CHSY3: variants seen among roughly 807,000 people sequenced by gnomAD.
CHSY3 encodes the protein chondroitin sulfate synthase 3, also known as N-acetylgalactosaminyl-proteoglycan 3-beta-glucuronosyltransferase 3.
In CHSY3, 35 loss-of-function variants were observed where a neutral mutation model predicts 67.2. That is an observed-to-expected ratio of 0.52 (90% confidence interval 0.40 to 0.69). The LOEUF is 0.69. Among genes scored for constraint, CHSY3 ranks in the 30% least tolerant of loss-of-function variants. The probability of loss-of-function intolerance (pLI) is 0.00; values close to 1 mark genes in which losing one functional copy is unlikely to be tolerated. For missense variants in CHSY3, 1,069 were observed against 1,138.5 expected (o/e 0.94, Z 0.88); for synonymous variants, 474 against 434.7 (o/e 1.09, Z -1.12).
At chr5:130,072,102 C>T (rs992535176) in intron 2 of CHSY3, among the ~76,000 whole-genome samples, 1 of 151,730 alleles carries the variant, frequency 6.6e-6, no homozygotes, top group Non-Finnish European at 1.5e-5. Flanking sequence ...TATATTAACC[C>T]CTTATCAGAC....
At chr5:129,955,699 C>T (rs946818494) in intron 2 of CHSY3, among the ~76,000 whole-genome samples, 3 of 152,126 alleles carry the variant, frequency 2.0e-5, no homozygotes, top group Non-Finnish European at 4.4e-5. Flanking sequence ...CCACTCTTCA[C>T]TCTCCAGGAG....
intron 2 of CHSY3, among the ~76,000 whole-genome samples, chr5:130,151,477 G>C (rs143556917): frequency 1.3e-5 from 2 of 152,176 alleles, no homozygotes; most frequent in Non-Finnish European, 2.9e-5. Context: ...CTGTGTGCCA[G>C]GTGCTAATCT....
In CHSY3 at chr5:130,104,716, G is replaced by A. The variant is rs533986629; in HGVS notation, c.1087-79513G>A. Among the ~76,000 whole-genome samples the A allele has an allele frequency of 2.0e-5, 3 of 149,866 alleles. No individual in the cohort carries two copies. In the East Asian group the frequency reaches 5.8e-4, roughly 29 times the overall value. On this transcript the variant is annotated intron_variant, in intron 2 of 2. Transcript: ENST00000305031. ...CTTGTTAATGTTTCGACTTGTTAAT[G>A]TTTTTTGTTAATGAATATGAATTAA...
chr5:129,965,775 T>A (rs1418620394), intron 2 of CHSY3, among the ~76,000 whole-genome samples: 2 of 151,964 alleles, frequency 1.3e-5, no homozygotes, highest in Non-Finnish European at 2.9e-5. Context: ...ATTGTAGAGA[T>A]GTCTCATTTA....
At chr5:130,016,399 G>GTATTT (rs912162664) in intron 2 of CHSY3, among the ~76,000 whole-genome samples, 36 of 152,152 alleles carry the variant, frequency 2.4e-4, no homozygotes, top group African/African-American at 8.4e-4. Context: ...ATTAGTAGTA[G>GTATTT]TATTTTATTT....
intron 2 of CHSY3, among the ~76,000 whole-genome samples, chr5:130,095,365 G>A (rs1026902439): frequency 6.6e-6 from 1 of 152,138 alleles, no homozygotes; most frequent in Non-Finnish European, 1.5e-5. Context: ...TGCATCTAGA[G>A]CATCTTGCTA....
intron 2 of CHSY3, among the ~76,000 whole-genome samples, chr5:130,004,149 A>C (rs1763808797): frequency 6.6e-6 from 1 of 152,178 alleles, no homozygotes; most frequent in Non-Finnish European, 1.5e-5. Context: ...ATTTATTCAG[A>C]CTATAACTCT....
At chr5:130,037,379 C>T (rs1177772926) in intron 2 of CHSY3, among the ~76,000 whole-genome samples, 1 of 152,060 alleles carries the variant, frequency 6.6e-6, no homozygotes, top group Non-Finnish European at 1.5e-5. Context: ...TCATGATGTG[C>T]CCACAGGGCA....
intron 2 of CHSY3, among the ~76,000 whole-genome samples, chr5:130,013,173 A>G (rs945590626): frequency 6.6e-6 from 1 of 152,176 alleles, no homozygotes; most frequent in African/African-American, 2.4e-5. Flanking sequence ...ATGGTCTTGG[A>G]GACCTCCACC....
chr5:130,075,321 A>G (rs2149683732), intron 2 of CHSY3, among the ~76,000 whole-genome samples: 1 of 152,312 alleles, frequency 6.6e-6, no homozygotes. Context: ...ACTGAGATAT[A>G]GTGATAATAC....
intron 1 of CHSY3, chr5:129,905,841 C>T: frequency 9.1e-7 from 1 of 1,096,712 alleles, no homozygotes; most frequent in Non-Finnish European, 1.2e-6. Context: ...CCTCCTCACA[C>T]CTGCCTGGCT....
chr5:130,123,989 G>A (rs1179361313), intron 2 of CHSY3, among the ~76,000 whole-genome samples: 15 of 126,578 alleles, frequency 1.2e-4, no homozygotes, highest in Non-Finnish European at 2.0e-4. Flanking sequence ...GCAGTGAGCC[G>A]AGATCTCGCC....
chr5:130,161,679 T>A (rs1036395083), intron 2 of CHSY3, among the ~76,000 whole-genome samples: 1 of 152,202 alleles, frequency 6.6e-6, no homozygotes, highest in African/African-American at 2.4e-5. Context: ...CTTGTTATAA[T>A]AAAGAATGTT....
At chr5:129,975,186 C>T (rs766581655) in intron 2 of CHSY3, among the ~76,000 whole-genome samples, 6 of 152,012 alleles carry the variant, frequency 3.9e-5, no homozygotes, top group Non-Finnish European at 2.9e-5. Flanking sequence ...CGTAACAAAA[C>T]TGCACATTGT....
In CHSY3 at chr5:130,184,845, G is replaced by A; in HGVS notation, c.1703G>A (p.Ser568Asn). Residue 568 changes from serine to asparagine, a missense_variant, in exon 3 of 3, where the codon AGC (serine) becomes AAC (asparagine). Around this residue, in one of 5 missense-constraint regions of CHSY3, gnomAD observed 401 missense variants for 395.2 expected, o/e 1.01. Transcript: ENST00000305031. ...RRHAYLQQLF[S>N]KPFFRETEEL... ...CATGCCTATCTTCAGCAGTTGTTCAGCAAGCCTTTCTTCAGAGAGACCGAA... is the reference window on the plus strand; with the variant it reads ...CATGCCTATCTTCAGCAGTTGTTCAACAAGCCTTTCTTCAGAGAGACCGAA... 6.2e-7 allele frequency: 1 copy of A among 1,608,714 alleles called. No homozygotes were observed. Among genetic ancestry groups the A allele is most frequent in the South Asian group, 1.1e-5 (1 of 90,966 alleles).
In CHSY3 at chr5:129,916,370, C is replaced by T. The variant is rs115264316; in HGVS notation, c.1086+8010C>T. 2.2e-3 allele frequency among the ~76,000 whole-genome samples: 330 copies of T among 152,200 alleles called. 1 individual carries two copies. Among genetic ancestry groups the T allele is most frequent in the Admixed American group, 3.5e-3 (54 of 15,280 alleles). On this transcript the variant is annotated intron_variant, in intron 2 of 2. Coordinates refer to ENST00000305031, the MANE Select transcript of CHSY3 (RefSeq NM_175856.5). ...AAGGACAGGATGGCCCCCCAAACCGCGGAGCACAGAAGAGGTTCAGAGAAT... is the reference window on the plus strand; with the variant it reads ...AAGGACAGGATGGCCCCCCAAACCGTGGAGCACAGAAGAGGTTCAGAGAAT...
At chr5:130,015,208 G>A in intron 2 of CHSY3, among the ~76,000 whole-genome samples, 1 of 152,204 alleles carries the variant, frequency 6.6e-6, no homozygotes, top group African/African-American at 2.4e-5. Context: ...ATAAAGATAT[G>A]CTGGCTTCCC....
intron 2 of CHSY3, among the ~76,000 whole-genome samples, chr5:130,112,445 A>G (rs78262250): frequency 0.043 from 6,529 of 152,094 alleles, 367 homozygotes; most frequent in East Asian, 0.26. Context: ...GAGAATTTGC[A>G]TTTCTAAGTT....
intron 2 of CHSY3, among the ~76,000 whole-genome samples, chr5:130,113,415 A>T (rs1169039135): frequency 6.6e-6 from 1 of 152,202 alleles, no homozygotes; most frequent in Non-Finnish European, 1.5e-5. Flanking sequence ...TAATCTCTCC[A>T]TTTATAAATG....
Sources: allele counts gnomAD v4.1 joint callset (sites outside exome capture counted in the v4.1 genomes callset), GRCh38; gene constraint gnomAD v4.1.1; regional missense constraint gnomAD v4.1.1; transcripts MANE v1.5; gene names NCBI Gene and HGNC (gene_info 2026-07-23, HGNC 2026-07-21).